The following CDH18 variants were observed in gnomAD, a reference collection of about 807,000 sequenced individuals.
CDH18 encodes the protein cadherin 18.
In CDH18, 31 loss-of-function variants were observed where a neutral mutation model predicts 67.9. That is an observed-to-expected ratio of 0.46 (90% CI 0.34 to 0.62). CDH18 has a LOEUF of 0.62. CDH18 is among the 20% of genes least tolerant of loss of function. The pLI is 0.01. For synonymous variants in CDH18, 362 were observed against 347.2 expected, an observed-to-expected ratio of 1.04 and a Z score of -0.48; for missense variants, 890 against 975.5, an observed-to-expected ratio of 0.91 and a Z score of 1.17.
chr5:19,846,879 A>T (rs1271049860), intron 2 of CDH18, among the ~76,000 whole-genome samples: 1 of 151,902 alleles, frequency 6.6e-6, no homozygotes, highest in African/African-American at 2.4e-5. Context: ...TGAAGGTCAG[A>T]CTTGCTGGAT....
intron 2 of CDH18, among the ~76,000 whole-genome samples, chr5:19,890,450 TG>T (rs576745224): frequency 2.3e-3 from 351 of 152,246 alleles, no homozygotes; most frequent in Middle Eastern, 3.4e-3. Context: ...CCTGCTACAA[TG>T]GTCTTGTTGA....
At position 19,721,257 on chromosome 5, in the gene CDH18, A is replaced by C. The variant is rs921522945; in HGVS notation, c.643+90T>G. On this transcript the variant is annotated intron_variant, in intron 5 of 12. Coordinates refer to ENST00000382275, the MANE Select transcript of CDH18 (RefSeq NM_004934.5). ...AAAATATGTTAAAATCACATCATCT[A>C]ATGGAAAAGAGCATATGGAAATAAA... 3 of 1,192,408 alleles carry C rather than the reference A, an allele frequency of 2.5e-6. No individual in the cohort carries two copies. In the African/African-American group the frequency reaches 4.5e-5, roughly 18 times the overall value. 73.9% of individuals were successfully genotyped at this position (1,192,408 alleles called of 1,614,324 possible).
At chr5:19,705,497 G>A (rs572377438) in intron 5 of CDH18, among the ~76,000 whole-genome samples, 14 of 152,210 alleles carry the variant, frequency 9.2e-5, no homozygotes, top group African/African-American at 3.4e-4. Flanking sequence ...ATTAACAAAG[G>A]AGGCTGAGAC....
intron 3 of CDH18, among the ~76,000 whole-genome samples, chr5:19,797,562 G>GATT (rs1776988024): frequency 6.6e-6 from 1 of 151,818 alleles, no homozygotes; most frequent in African/African-American, 2.4e-5. Context: ...TTCAAAAACT[G>GATT]AAATTAAAAC....
intron 5 of CDH18, among the ~76,000 whole-genome samples, chr5:19,643,894 C>T (rs554512290): frequency 6.6e-6 from 1 of 152,002 alleles, no homozygotes; most frequent in Admixed American, 6.6e-5. Context: ...TTAGTTTGAT[C>T]GTGATAAATA....
At chr5:20,474,186 G>T (rs952448350) in intron 1 of CDH18, among the ~76,000 whole-genome samples, 1 of 152,160 alleles carries the variant, frequency 6.6e-6, no homozygotes, top group African/African-American at 2.4e-5. Context: ...TGAGGCAGGA[G>T]AGTGGCGTGA....
chr5:20,457,418 C>A (rs1413135511), intron 1 of CDH18, among the ~76,000 whole-genome samples: 5 of 152,218 alleles, frequency 3.3e-5, no homozygotes, highest in African/African-American at 1.2e-4. Flanking sequence ...TCTCCAAAAA[C>A]TTGTAAGTGG....
Position 19,825,860 on chromosome 5 carries a change from C to T in CDH18, c.228+12899G>A, listed in dbSNP as rs149420190. Among the ~76,000 whole-genome samples, 18 of 152,100 alleles carry T rather than the reference C, an allele frequency of 1.2e-4. No homozygotes were observed. In the East Asian group the frequency reaches 2.3e-3, roughly 20 times the overall value. On this transcript the variant is annotated intron_variant, in intron 3 of 12. Coordinates refer to ENST00000382275, the MANE Select transcript of CDH18 (RefSeq NM_004934.5). ...TGCTTCAAATGACCATGGTTGCTTC[C>T]GGCAAGAGTTCTTAACCAGGATGAA... is the stretch of plus-strand genomic sequence containing the variant.
chr5:19,503,080 T>C lies in CDH18; in HGVS notation c.1542A>G (p.Lys514=), dbSNP rs1743526309. Residue 514 remains lysine (K), a synonymous_variant, in exon 11 of 13, where the codon AAA becomes AAG. Transcript: ENST00000382275. The part of the protein sequence containing the change: ...QVIHTISATD[K]DDFANGPRFN... ...ACCTTGGTCCATTGGCAAAATCATC[T>C]TTATCAGTGGCACTGATGGTATGAA... 6.2e-7 allele frequency: 1 copy of C among 1,606,232 alleles called. No individual in the cohort carries two copies. The highest frequency in any genetic ancestry group is 8.5e-7 in the Non-Finnish European group (1 of 1,173,000).
chr5:20,053,104 T>C (rs1741578644), intron 2 of CDH18, among the ~76,000 whole-genome samples: 1 of 151,952 alleles, frequency 6.6e-6, no homozygotes, highest in Non-Finnish European at 1.5e-5. Flanking sequence ...TGAAAGTTTA[T>C]GTGATCCGTC....
chr5:19,986,573 T>G (rs1384710517), intron 1 of CDH18, among the ~76,000 whole-genome samples: 1 of 152,304 alleles, frequency 6.6e-6, no homozygotes, highest in East Asian at 1.9e-4. Context: ...CTCACCAAGG[T>G]GCACTAAGTG....
chr5:20,223,403 G>A (rs1269266289), intron 2 of CDH18, among the ~76,000 whole-genome samples: 4 of 152,074 alleles, frequency 2.6e-5, no homozygotes, highest in Non-Finnish European at 2.9e-5. Flanking sequence ...ACTTGCTTTC[G>A]ATTTTAGGGG....
chr5:19,605,845 C>T (rs1194051073), intron 6 of CDH18, among the ~76,000 whole-genome samples: 1 of 151,994 alleles, frequency 6.6e-6, no homozygotes, highest in African/African-American at 2.4e-5. Flanking sequence ...AGAGCTGGCA[C>T]AGGGGCTGAG....
chr5:20,118,064 A>G (rs1748065205), intron 2 of CDH18, among the ~76,000 whole-genome samples: 1 of 151,898 alleles, frequency 6.6e-6, no homozygotes, highest in African/African-American at 2.4e-5. Flanking sequence ...AATAATTCCC[A>G]GAAAGAATCA....
chr5:19,887,329 C>T (rs143210254), intron 2 of CDH18, among the ~76,000 whole-genome samples: 17 of 151,852 alleles, frequency 1.1e-4, no homozygotes, highest in Admixed American at 8.5e-4. Flanking sequence ...CTGAGATAAC[C>T]GCATTGCCTA....
chr5:20,218,420 T>C (rs1016125655), intron 2 of CDH18, among the ~76,000 whole-genome samples: 2 of 151,886 alleles, frequency 1.3e-5, no homozygotes, highest in Non-Finnish European at 2.9e-5. Context: ...GAATGACCAG[T>C]GGGTAAATGA....
chr5:19,881,618 C>T (rs1337287650), intron 2 of CDH18, among the ~76,000 whole-genome samples: 1 of 151,542 alleles, frequency 6.6e-6, no homozygotes, highest in Non-Finnish European at 1.5e-5. Context: ...AAGCGATTCT[C>T]CTGCCTCAGC....
intron 2 of CDH18, among the ~76,000 whole-genome samples, chr5:20,212,549 A>G (rs1740434835): frequency 6.6e-6 from 1 of 152,118 alleles, no homozygotes; most frequent in East Asian, 1.9e-4. Flanking sequence ...TTACCCACAA[A>G]GGGAAGCCCA....
chr5:20,181,595 T>C (rs547974323), intron 2 of CDH18, among the ~76,000 whole-genome samples: 1 of 152,212 alleles, frequency 6.6e-6, no homozygotes, highest in Admixed American at 6.6e-5. Context: ...CTGCTGAATT[T>C]AGTGAGGTTT....
Sources: allele counts gnomAD v4.1 joint callset (sites outside exome capture counted in the v4.1 genomes callset), GRCh38; gene constraint gnomAD v4.1.1; transcripts MANE v1.5; gene names NCBI Gene and HGNC (gene_info 2026-07-23, HGNC 2026-07-21).